The following ATP2B2 variants were observed in gnomAD, a reference collection of about 807,000 sequenced individuals.
ATP2B2 encodes the protein plasma membrane calcium-transporting ATPase 2.
A neutral mutation model predicts 120.0 loss-of-function variants in ATP2B2; 15 were observed. The observed-to-expected ratio is 0.12, with a 90% CI of 0.08 to 0.19. ATP2B2 has a LOEUF of 0.19. ATP2B2 is among the 10% of genes least tolerant of loss of function. The pLI is 1.00. For missense variants in ATP2B2, 1,045 were observed against 1,719.8 expected, an observed-to-expected ratio of 0.61 and a Z score of 6.94; for synonymous variants, 694 against 700.3, an observed-to-expected ratio of 0.99 and a Z score of 0.14.
chr3:10,658,687 A>G (rs1402755593), intron 1 of ATP2B2, among the ~76,000 whole-genome samples: 3 of 152,158 alleles, frequency 2.0e-5, no homozygotes, highest in Non-Finnish European at 4.4e-5. Flanking sequence ...ATTATCCAGG[A>G]GAACTTCCCC....
Position 10,410,606 on chromosome 3 carries a change from G to A in ATP2B2, c.397+12C>T, listed in dbSNP as rs754091662. Reference sequence around the variant, plus strand: ...TGTGCGGGGCGGTTCGTGGGTCTGAGGCCCATCTTACCTTCGTTGCCCTCG... The same window carrying A: ...TGTGCGGGGCGGTTCGTGGGTCTGAAGCCCATCTTACCTTCGTTGCCCTCG... On this transcript the variant is annotated intron_variant, in intron 3 of 22. Coordinates refer to ENST00000360273, the MANE Select transcript of ATP2B2 (RefSeq NM_001001331.4). The A allele has an allele frequency of 1.3e-6, 2 of 1,598,026 alleles. No homozygotes were observed. Among genetic ancestry groups the A allele is most frequent in the East Asian group, 4.5e-5 (2 of 44,652 alleles).
intron 2 of ATP2B2, among the ~76,000 whole-genome samples, chr3:10,433,151 T>G (rs1287953604): frequency 2.6e-5 from 4 of 152,218 alleles, no homozygotes; most frequent in Admixed American, 6.5e-5. Flanking sequence ...CGGGAAACCC[T>G]TTAGCCACTT....
chr3:10,445,992 C>T (rs2063824523), intron 2 of ATP2B2, among the ~76,000 whole-genome samples: 3 of 152,236 alleles, frequency 2.0e-5, no homozygotes, highest in African/African-American at 7.2e-5. Context: ...AGGCCTTGTC[C>T]TACAGTGGAT....
intron 1 of ATP2B2, among the ~76,000 whole-genome samples, chr3:10,631,736 C>T (rs958225149): frequency 6.6e-6 from 1 of 152,184 alleles, no homozygotes; most frequent in Non-Finnish European, 1.5e-5. Context: ...AGGAGGCCAG[C>T]GTCCCCTACA....
At chr3:10,367,082 G>A (rs1037071654) in intron 12 of ATP2B2, among the ~76,000 whole-genome samples, 1 of 152,178 alleles carries the variant, frequency 6.6e-6, no homozygotes, top group Non-Finnish European at 1.5e-5. Context: ...TCTTCTGAGC[G>A]CTGGGAGGAG....
chr3:10,356,844 C>T (rs1037640573), intron 14 of ATP2B2, among the ~76,000 whole-genome samples: 5 of 152,158 alleles, frequency 3.3e-5, no homozygotes, highest in Admixed American at 6.5e-5. Context: ...GAGAGGTTTG[C>T]AGGAAAGCAC....
chr3:10,695,539 C>T (rs1192935966), intron 1 of ATP2B2, among the ~76,000 whole-genome samples: 1 of 152,162 alleles, frequency 6.6e-6, no homozygotes, highest in Non-Finnish European at 1.5e-5. Context: ...AACTCTACCA[C>T]TGTTACGTGA....
intron 2 of ATP2B2, among the ~76,000 whole-genome samples, chr3:10,540,051 G>A (rs1193143779): frequency 3.3e-5 from 5 of 152,180 alleles, no homozygotes; most frequent in Non-Finnish European, 7.3e-5. Flanking sequence ...ATCAAAAAGT[G>A]GGTGAAGGAT....
intron 1 of ATP2B2, among the ~76,000 whole-genome samples, chr3:10,683,120 G>GT (rs904180174): frequency 1.6e-4 from 23 of 146,738 alleles, no homozygotes; most frequent in South Asian, 2.2e-4. Context: ...CTCTGCCAGG[G>GT]TTTTTTTTTT....
At chr3:10,657,707 T>C (rs972483724) in intron 1 of ATP2B2, among the ~76,000 whole-genome samples, 3 of 152,246 alleles carry the variant, frequency 2.0e-5, no homozygotes, top group African/African-American at 7.2e-5. Flanking sequence ...CAGAAACCTC[T>C]GCAGACTTAA....
chr3:10,683,760 G>GTGTGTATATATATATATATA (rs1446781892), intron 1 of ATP2B2, among the ~76,000 whole-genome samples: 11 of 53,898 alleles, frequency 2.0e-4, no homozygotes, highest in Non-Finnish European at 3.8e-4. Context: ...GTGTGTGTGT[G>GTGTGTATATATATATATATA]TATATATATA....
At chr3:10,633,066 G>C (rs1322818933) in intron 1 of ATP2B2, among the ~76,000 whole-genome samples, 1 of 152,242 alleles carries the variant, frequency 6.6e-6, no homozygotes, top group African/African-American at 2.4e-5. Context: ...GGAGATGCAG[G>C]GGCTGGCTGG....
At chr3:10,650,537 G>C (rs2070429325) in intron 1 of ATP2B2, among the ~76,000 whole-genome samples, 1 of 152,192 alleles carries the variant, frequency 6.6e-6, no homozygotes, top group African/African-American at 2.4e-5. Flanking sequence ...AGAAATTCAA[G>C]CCAGCGGCAG....
chr3:10,425,183 G>C (rs772528353), intron 2 of ATP2B2, among the ~76,000 whole-genome samples: 4 of 151,662 alleles, frequency 2.6e-5, no homozygotes, highest in Non-Finnish European at 5.9e-5. Flanking sequence ...GGTTGTGCAC[G>C]CCTATAGTCC....
intron 6 of ATP2B2, 56 bp from the exon 7 acceptor site, chr3:10,386,568 C>G: frequency 6.3e-7 from 1 of 1,584,722 alleles, no homozygotes; most frequent in Non-Finnish European, 8.7e-7. Context: ...GCCTCATCTG[C>G]CCATGCGCAC....
chr3:10,611,087 TTCCAAATCAAACAGC>T, intron 2 of ATP2B2, among the ~76,000 whole-genome samples: 1 of 152,280 alleles, frequency 6.6e-6, no homozygotes, highest in Admixed American at 6.5e-5. Context: ...TCAGAGACAT[TTCCAAATCAAACAGC>T]TCCAAATCCA....
chr3:10,486,342 T>C (rs924166427), intron 1 of ATP2B2, among the ~76,000 whole-genome samples: 9 of 151,894 alleles, frequency 5.9e-5, no homozygotes, highest in Non-Finnish European at 1.2e-4. Context: ...TGTGTGTGTG[T>C]GTGTGTGTGT....
At chr3:10,628,941 T>C (rs2069784821) in intron 1 of ATP2B2, among the ~76,000 whole-genome samples, 1 of 152,228 alleles carries the variant, frequency 6.6e-6, no homozygotes, top group Non-Finnish European at 1.5e-5. Context: ...TTTGTTTTTG[T>C]TTGTTTAAAG....
chr3:10,340,428 C>T lies in ATP2B2; in HGVS notation c.3129+65G>A, dbSNP rs1197834059. ...GCACAGAGGGCTGGGCTCTCAGGGT[C>T]CTGCCCAGGGGCTCCAGCCGCTTGC... On this transcript the variant is annotated intron_variant, in intron 20 of 22. Coordinates refer to ENST00000360273, the MANE Select transcript of ATP2B2 (RefSeq NM_001001331.4). This position sits in a 1 kb window ranked among gnomAD's most constrained non-coding sequence, Gnocchi z 5.0. The T allele has an allele frequency of 2.5e-6, 4 of 1,613,326 alleles. No homozygotes were observed. The highest frequency in any genetic ancestry group is 3.4e-6 in the Non-Finnish European group (4 of 1,179,512).
Sources: gnomAD v4.1 joint callset for allele counts (sites outside exome capture counted in the v4.1 genomes callset) on GRCh38, gnomAD v4.1.1 for gene constraint, Gnocchi (gnomAD v3.1) non-coding constraint, MANE v1.5 for transcripts, NCBI Gene and HGNC (gene_info 2026-07-23, HGNC 2026-07-21) for gene names.